The following IL1RAPL1 variants were observed in gnomAD, a reference collection of about 807,000 sequenced individuals.
The protein encoded by IL1RAPL1 is interleukin-1 receptor accessory protein-like 1.
IL1RAPL1 carries 3 observed loss-of-function variants against 48.4 expected under a neutral mutation model. The ratio of observed to expected loss-of-function variants is 0.06; its 90% CI spans 0.03 to 0.16. The LOEUF is 0.16. Among genes scored for constraint, IL1RAPL1 ranks in the 10% least tolerant of loss-of-function variants. The probability of loss-of-function intolerance (pLI) is 1.00; values close to 1 mark genes in which losing one functional copy is unlikely to be tolerated. For missense variants in IL1RAPL1, 349 were observed against 530.6 expected (o/e 0.66, Z 3.36); for synonymous variants, 185 against 187.7 (o/e 0.99, Z 0.12).
chrX:29,947,770 T>TGG (rs371938484), intron 9 of IL1RAPL1, among the ~76,000 whole-genome samples: 1 of 87,675 alleles, frequency 1.1e-5, no homozygotes, highest in Non-Finnish European at 2.2e-5. Context: ...TTTTTTTTGG[T>TGG]GGGGGGGTGG....
intron 8 of IL1RAPL1, among the ~76,000 whole-genome samples, chrX:29,927,818 T>A (rs1932903870): frequency 9.9e-6 from 1 of 101,044 alleles, no homozygotes; most frequent in Non-Finnish European, 2.0e-5. Flanking sequence ...TTAAGTGTGG[T>A]AAGAAAGGAT....
chrX:29,758,804 A>AAAAC (rs750927832), intron 6 of IL1RAPL1, among the ~76,000 whole-genome samples: 1 of 111,689 alleles, frequency 9.0e-6, no homozygotes, highest in African/African-American at 3.3e-5. Context: ...ACAAAAAAAC[A>AAAAC]AAACAAACAA....
intron 2 of IL1RAPL1, among the ~76,000 whole-genome samples, chrX:28,811,605 G>T (rs1350792303): frequency 9.0e-6 from 1 of 110,662 alleles, no homozygotes; most frequent in Non-Finnish European, 1.9e-5. Flanking sequence ...TACTTGAGTT[G>T]TGGAGATGAA....
chrX:29,780,776 C>G (rs1929319803), intron 6 of IL1RAPL1, among the ~76,000 whole-genome samples: 1 of 111,321 alleles, frequency 9.0e-6, no homozygotes, highest in Non-Finnish European at 1.9e-5. Flanking sequence ...AAAAGGCTAG[C>G]ATTATAAATA....
intron 1 of IL1RAPL1, among the ~76,000 whole-genome samples, chrX:28,687,598 C>T (rs1454301757): frequency 2.8e-5 from 3 of 108,362 alleles, no homozygotes; most frequent in South Asian, 4.0e-4. Flanking sequence ...CTGGCTAACA[C>T]GGTGAAACCC....
intron 2 of IL1RAPL1, among the ~76,000 whole-genome samples, chrX:28,892,019 G>A (rs1922782962): frequency 9.0e-6 from 1 of 111,482 alleles, no homozygotes; most frequent in Admixed American, 9.6e-5. Context: ...TATATCTTCT[G>A]TGGAGATATA....
chrX:29,529,785 GA>G (rs1253552799), intron 5 of IL1RAPL1, among the ~76,000 whole-genome samples: 1 of 110,790 alleles, frequency 9.0e-6, no homozygotes, highest in Non-Finnish European at 1.9e-5. Flanking sequence ...TCGTGGTTCA[GA>G]AAAAAATACT....
intron 2 of IL1RAPL1, among the ~76,000 whole-genome samples, chrX:29,115,708 A>G (rs1928665454): frequency 1.8e-5 from 2 of 110,309 alleles, no homozygotes; most frequent in South Asian, 3.9e-4. Context: ...TGCCTTTCAT[A>G]TAGGGCTTTT....
chrX:29,216,717 G>A (rs1016130111), intron 2 of IL1RAPL1, among the ~76,000 whole-genome samples: 7 of 111,742 alleles, frequency 6.3e-5, no homozygotes, highest in Non-Finnish European at 1.1e-4. Flanking sequence ...TTTCAAAGGA[G>A]ATGGCTAAGC....
chrX:29,050,752 C>T (rs982258294), intron 2 of IL1RAPL1, among the ~76,000 whole-genome samples: 1 of 112,039 alleles, frequency 8.9e-6, no homozygotes, highest in African/African-American at 3.2e-5. Flanking sequence ...ATTACGGGCT[C>T]GTTGATTCTG....
chrX:28,867,387 A>G lies in IL1RAPL1; in HGVS notation c.82+77962A>G, dbSNP rs955085281. On this transcript the variant is annotated intron_variant, in intron 2 of 10. Coordinates refer to ENST00000378993, the MANE Select transcript of IL1RAPL1 (RefSeq NM_014271.4). ...ATAAGTACCACACTCTAGGGGTGGT[A>G]GGATATTGAGCCAGGCGGCAGAAGT... Among the ~76,000 whole-genome samples, 3 of 111,843 alleles carry G rather than the reference A, an allele frequency of 2.7e-5. No homozygotes were observed. In the Admixed American group the frequency reaches 2.9e-4, roughly 11 times the overall value.
rs190446355 is a variant in IL1RAPL1 at position 29,608,140 on chromosome X, T to C, written c.704-60290T>C. The stretch of plus-strand genomic sequence containing the variant: ...TGGAACCTCTAAGATGTCCCCTCTT[T>C]CCACATGATGTCTCTTCCATCAGGG... On this transcript the variant is annotated intron_variant, in intron 5 of 10. Transcript: ENST00000378993. 2.7e-3 allele frequency among the ~76,000 whole-genome samples: 304 copies of C among 112,164 alleles called. 1 individual carries two copies. The highest frequency in any genetic ancestry group is 4.6e-3 in the Non-Finnish European group (245 of 53,233).
intron 6 of IL1RAPL1, among the ~76,000 whole-genome samples, chrX:29,676,236 G>A (rs1226978077): frequency 4.5e-5 from 5 of 112,035 alleles, no homozygotes; most frequent in Non-Finnish European, 9.4e-5. Context: ...AAAATTAATA[G>A]ATTACTTGGC....
chrX:29,748,671 G>A (rs1379226099), intron 6 of IL1RAPL1, among the ~76,000 whole-genome samples: 4 of 112,937 alleles, frequency 3.5e-5, no homozygotes, highest in African/African-American at 1.3e-4. Flanking sequence ...TGGCCCCCAG[G>A]CCATACTGCC....
intron 2 of IL1RAPL1, among the ~76,000 whole-genome samples, chrX:29,113,861 CTTTTA>C (rs1179751706): frequency 9.0e-6 from 1 of 111,083 alleles, no homozygotes; most frequent in African/African-American, 3.3e-5. Flanking sequence ...TAATTTTTAT[CTTTTA>C]TTTGCTTGTC....
chrX:28,797,069 G>A (rs1936621426), intron 2 of IL1RAPL1, among the ~76,000 whole-genome samples: 1 of 112,433 alleles, frequency 8.9e-6, no homozygotes, highest in South Asian at 3.7e-4. Flanking sequence ...CCTGAGCTCT[G>A]TGTTGGTCCC....
chrX:28,604,711 G>GC (rs1934064630), intron 1 of IL1RAPL1, among the ~76,000 whole-genome samples: 1 of 88,762 alleles, frequency 1.1e-5, no homozygotes, highest in Non-Finnish European at 2.1e-5. Context: ...TGGCGACAGA[G>GC]CGAGACTCAA....
intron 2 of IL1RAPL1, among the ~76,000 whole-genome samples, chrX:29,126,841 T>A (rs1928908735): frequency 8.9e-6 from 1 of 112,086 alleles, no homozygotes; most frequent in South Asian, 3.7e-4. Context: ...TTTGAATAAT[T>A]CATTTCTCAC....
rs1295719063 is a variant in IL1RAPL1 at position 29,786,013 on chromosome X, T to A, written c.778+117509T>A. ...GCATTCAGGCTTCAGAGATTTTTTT[T>A]AAAAAGGCGGGCGGGGGGGTGGGGG... On this transcript the variant is annotated intron_variant, in intron 6 of 10. Transcript: ENST00000378993. 1.0e-4 allele frequency among the ~76,000 whole-genome samples: 6 copies of A among 58,553 alleles called. No homozygotes were observed. The East Asian group carries it at 4.1e-3, about 40-fold the overall frequency. 50.8% of individuals were successfully genotyped at this position (58,553 alleles called of 115,157 possible). A position where few individuals can be genotyped will look rare whatever the true frequency, so the allele number is the denominator to read the frequency against.
Sources: gnomAD v4.1 joint callset for allele counts (sites outside exome capture counted in the v4.1 genomes callset) on GRCh38, gnomAD v4.1.1 for gene constraint, MANE v1.5 for transcripts, NCBI Gene and HGNC (gene_info 2026-07-23, HGNC 2026-07-21) for gene names.